The following PRKCE variants were observed in gnomAD, a reference collection of about 807,000 sequenced individuals.
The protein encoded by PRKCE is protein kinase C epsilon type.
In PRKCE, 16 loss-of-function variants were observed where a neutral mutation model predicts 85.4. The observed-to-expected ratio is 0.19, with a 90% confidence interval of 0.13 to 0.28. The LOEUF is 0.28. Among genes scored for constraint, PRKCE ranks in the 10% least tolerant of loss-of-function variants. PRKCE has a pLI of 1.00. For synonymous variants in PRKCE, 388 were observed against 371.5 expected, an observed-to-expected ratio of 1.04 and a Z score of -0.51; for missense variants, 573 against 975.2, an observed-to-expected ratio of 0.59 and a Z score of 5.49.
intron 1 of PRKCE, among the ~76,000 whole-genome samples, chr2:45,687,946 T>C (rs1677427151): frequency 6.6e-6 from 1 of 152,174 alleles, no homozygotes; most frequent in Non-Finnish European, 1.5e-5. Flanking sequence ...GTGGCCTTTA[T>C]TGTATGGGGT....
At chr2:46,033,468 G>A (rs1018164266) in intron 10 of PRKCE, among the ~76,000 whole-genome samples, 6 of 152,134 alleles carry the variant, frequency 3.9e-5, no homozygotes, top group Non-Finnish European at 7.4e-5. Flanking sequence ...CCAGGGAGCC[G>A]GTTAATTGGC....
In PRKCE at chr2:46,025,514, G is replaced by A. The variant is rs1441307800; in HGVS notation, c.1437+14997G>A. On this transcript the variant is annotated intron_variant, in intron 10 of 14. Coordinates refer to ENST00000306156, the MANE Select transcript of PRKCE (RefSeq NM_005400.3). ...GAATGAAAATCAGAGGAAGAGATGA[G>A]TGGGCTGACTAGTAGGTATACTCCT... is the stretch of plus-strand genomic sequence containing the variant. Among the ~76,000 whole-genome samples the A allele has an allele frequency of 2.6e-5, 4 of 152,220 alleles. No individual in the cohort carries two copies. In the East Asian group the frequency reaches 5.8e-4, roughly 22 times the overall value.
chr2:46,028,728 G>A (rs1243581454), intron 10 of PRKCE, among the ~76,000 whole-genome samples: 1 of 152,218 alleles, frequency 6.6e-6, no homozygotes, highest in African/African-American at 2.4e-5. Flanking sequence ...GTAAACTTGT[G>A]TCATGGGGGC....
Position 45,712,881 on chromosome 2 carries a change from G to T in PRKCE, c.348+60433G>T, listed in dbSNP as rs114388129. On this transcript the variant is annotated intron_variant, in intron 1 of 14. Transcript: ENST00000306156. Reference sequence around the variant, plus strand: ...CGGGGACCATGTGTCATTTATCTTCGTATTCGCCCCATACTTCTACCTCTT... The same window carrying T: ...CGGGGACCATGTGTCATTTATCTTCTTATTCGCCCCATACTTCTACCTCTT... Among the ~76,000 whole-genome samples the T allele has an allele frequency of 6.3e-3, 960 of 152,194 alleles. 13 individuals carry two copies. The highest frequency in any genetic ancestry group is 0.021 in the African/African-American group (884 of 41,528).
chr2:45,785,796 C>G (rs1157642343), intron 1 of PRKCE, among the ~76,000 whole-genome samples: 1 of 152,158 alleles, frequency 6.6e-6, no homozygotes, highest in Non-Finnish European at 1.5e-5. Flanking sequence ...GGAGACCACT[C>G]AACCCAGGCC....
intron 1 of PRKCE, among the ~76,000 whole-genome samples, chr2:45,665,545 GA>G (rs1272929210): frequency 2.0e-5 from 3 of 151,966 alleles, no homozygotes; most frequent in South Asian, 2.1e-4. Context: ...TCTTGAAGTA[GA>G]AAAAAAAGTT....
chr2:45,859,084 AT>A lies in PRKCE; in HGVS notation c.412+16022del, dbSNP rs1553433092. ...AATAAATAAATAAATAAATAAATAA[AT>A]AAATAAAATAGTATCATCCTATGTT... On this transcript the variant is annotated intron_variant, in intron 2 of 14. Coordinates refer to ENST00000306156, the MANE Select transcript of PRKCE (RefSeq NM_005400.3). Among the ~76,000 whole-genome samples the A allele has an allele frequency of 3.4e-3, 465 of 137,866 alleles. 3 individuals are homozygous for A. The highest frequency in any genetic ancestry group is 0.01 in the Admixed American group (144 of 14,160). 90.4% of individuals were successfully genotyped at this position (137,866 alleles called of 152,430 possible).
chr2:45,945,812 C>G (rs1700207011), intron 2 of PRKCE, among the ~76,000 whole-genome samples: 1 of 152,230 alleles, frequency 6.6e-6, no homozygotes, highest in African/African-American at 2.4e-5. Context: ...TATACAACCC[C>G]TTGACAGAAA....
chr2:45,761,256 G>T (rs545121102), intron 1 of PRKCE, among the ~76,000 whole-genome samples: 51 of 144,002 alleles, frequency 3.5e-4, no homozygotes, highest in South Asian at 1.5e-3. Flanking sequence ...GAACCCGGGA[G>T]GCAGAGCTTG....
rs560311837 is a variant in PRKCE at position 46,109,679 on chromosome 2, T to C, written c.1592+23317T>C. On this transcript the variant is annotated intron_variant, in intron 11 of 14. Coordinates refer to ENST00000306156, the MANE Select transcript of PRKCE (RefSeq NM_005400.3). The stretch of plus-strand genomic sequence containing the variant: ...CAATTTTGTTAATTCCTTCCTAATC[T>C]GCACACCTTTTATTTTCTTTTCTTG... Among the ~76,000 whole-genome samples the C allele has an allele frequency of 2.6e-5, 4 of 152,264 alleles. No homozygotes were observed. The East Asian group carries it at 7.7e-4, about 29-fold the overall frequency.
rs928832034 is a variant in PRKCE at position 46,187,234 on chromosome 2, G to A, written c.*2353G>A. The A allele has an allele frequency of 3.9e-5, 6 of 152,718 alleles. No homozygotes were observed. The highest frequency in any genetic ancestry group is 1.4e-4 in the African/African-American group (6 of 41,562). 9.5% of individuals were successfully genotyped at this position (152,718 alleles called of 1,614,324 possible). A position where few individuals can be genotyped will look rare whatever the true frequency, so the allele number is the denominator to read the frequency against. On this transcript the variant is annotated 3_prime_UTR_variant, in exon 15 of 15. Coordinates refer to ENST00000306156, the MANE Select transcript of PRKCE (RefSeq NM_005400.3). The stretch of plus-strand genomic sequence containing the variant: ...AGTGTTTGCACGGCAGTGGGAACTG[G>A]GCCTTTCCTACAGGACAACTGGCAA...
At chr2:45,839,556 G>A (rs911771388) in intron 1 of PRKCE, among the ~76,000 whole-genome samples, 1 of 152,232 alleles carries the variant, frequency 6.6e-6, no homozygotes, top group African/African-American at 2.4e-5. Flanking sequence ...CTGGGAGGAG[G>A]TAGCGAGTCT....
intron 1 of PRKCE, among the ~76,000 whole-genome samples, chr2:45,794,384 G>A (rs973229666): frequency 1.3e-5 from 2 of 152,106 alleles, no homozygotes; most frequent in African/African-American, 2.4e-5. Context: ...TTTGAAAATG[G>A]CAAATGCATT....
chr2:45,676,561 T>C (rs185833578), intron 1 of PRKCE, among the ~76,000 whole-genome samples: 2 of 152,334 alleles, frequency 1.3e-5, no homozygotes, highest in East Asian at 3.9e-4. Flanking sequence ...TAAACTCTGA[T>C]CCATACATGG....
At chr2:45,654,594 G>A (rs1353981439) in intron 1 of PRKCE, among the ~76,000 whole-genome samples, 1 of 152,248 alleles carries the variant, frequency 6.6e-6, no homozygotes, top group African/African-American at 2.4e-5. Flanking sequence ...TCCATGTGCT[G>A]TGTCCCTGAC....
intron 1 of PRKCE, among the ~76,000 whole-genome samples, chr2:45,669,551 G>C (rs1572894006): frequency 6.6e-6 from 1 of 152,134 alleles, no homozygotes; most frequent in South Asian, 2.1e-4. Context: ...CCTGGTGCTT[G>C]TCCCCAAGGT....
Position 45,797,985 on chromosome 2 carries a change from T to G in PRKCE, c.349-45015T>G, listed in dbSNP as rs1197269580. Among the ~76,000 whole-genome samples the G allele has an allele frequency of 2.0e-5, 3 of 152,174 alleles. No individual in the cohort carries two copies. The East Asian group carries it at 5.8e-4, about 29-fold the overall frequency. On this transcript the variant is annotated intron_variant, in intron 1 of 14. Transcript: ENST00000306156. Reference sequence around the variant, plus strand: ...TCGCCAAAACCCAGGAATGTAGACTTGTTCTCATTTCCTCATTTTATACTC... The same window carrying G: ...TCGCCAAAACCCAGGAATGTAGACTGGTTCTCATTTCCTCATTTTATACTC...
In PRKCE at chr2:46,184,064, T is replaced by C. The variant is rs1680253971; in HGVS notation, c.2068-671T>C. On this transcript the variant is annotated intron_variant, in intron 14 of 14. Coordinates refer to ENST00000306156, the MANE Select transcript of PRKCE (RefSeq NM_005400.3). The surrounding 1 kb of genome is among the most constrained non-coding windows in gnomAD (Gnocchi z 5.0). ...TGGTGAGTTTACTTATTTCATTCAG[T>C]AGACACTTATTGCTGGGGAACTGCT... Among the ~76,000 whole-genome samples, 1 of 152,154 alleles carries C rather than the reference T, an allele frequency of 6.6e-6. No individual in the cohort carries two copies. Among genetic ancestry groups the C allele is most frequent in the South Asian group, 2.1e-4 (1 of 4,820 alleles).
intron 2 of PRKCE, among the ~76,000 whole-genome samples, chr2:45,945,708 G>T (rs1018347922): frequency 6.6e-6 from 1 of 152,250 alleles, no homozygotes; most frequent in African/African-American, 2.4e-5. Flanking sequence ...CCCTTCCTCA[G>T]AGAAGTTTTA....
Sources: allele counts gnomAD v4.1 joint callset (sites outside exome capture counted in the v4.1 genomes callset), GRCh38; gene constraint gnomAD v4.1.1; non-coding constraint Gnocchi (gnomAD v3.1); transcripts MANE v1.5; gene names NCBI Gene and HGNC (gene_info 2026-07-23, HGNC 2026-07-21).